ADAM10: variants seen among roughly 807,000 people sequenced by gnomAD.
ADAM10 encodes the protein ADAM metallopeptidase domain 10.
ADAM10 carries 17 observed loss-of-function variants against 90.1 expected under a neutral mutation model. The observed-to-expected ratio is 0.19, with a 90% CI of 0.13 to 0.28. The LOEUF is 0.28. Ranked by LOEUF, ADAM10 falls within the 10% of genes least tolerant of loss-of-function variation. The pLI is 1.00. For synonymous variants in ADAM10, 310 were observed against 298.6 expected (o/e 1.04, Z -0.40); for missense variants, 610 against 914.3 (o/e 0.67, Z 4.29).
intron 10 of ADAM10, among the ~76,000 whole-genome samples, chr15:58,625,422 G>C (rs1322654586): frequency 6.6e-6 from 1 of 152,114 alleles, no homozygotes; most frequent in Non-Finnish European, 1.5e-5. Flanking sequence ...AGCATCATTA[G>C]CCACCAGAGA....
chr15:58,665,696 C>T (rs1310312492), intron 4 of ADAM10, among the ~76,000 whole-genome samples: 5 of 152,042 alleles, frequency 3.3e-5, no homozygotes, highest in African/African-American at 9.7e-5. Context: ...TCCCTTAGGA[C>T]CATTAAGACT....
At chr15:58,683,688 C>T (rs566422868) in intron 2 of ADAM10, among the ~76,000 whole-genome samples, 40 of 151,794 alleles carry the variant, frequency 2.6e-4, no homozygotes, top group African/African-American at 8.7e-4. Flanking sequence ...ACAGCAAAAC[C>T]GTCTCTACTA....
chr15:58,711,887 C>T (rs865871277), intron 2 of ADAM10, among the ~76,000 whole-genome samples: 1 of 151,822 alleles, frequency 6.6e-6, no homozygotes, highest in South Asian at 2.1e-4. Context: ...CACTTTGAAA[C>T]GGTGTTTCAG....
Position 58,633,186 on chromosome 15 carries a change from C to A in ADAM10, c.1176+10G>T. ...AGTATTTTTTAAGCTAATAATTAGA[C>A]AATACTTACTGGGGATCCAAAGTTA... On this transcript the variant is annotated intron_variant, in intron 9 of 15. Transcript: ENST00000260408. 1 of 1,604,172 alleles carries A rather than the reference C, an allele frequency of 6.2e-7. No individual in the cohort carries two copies. Among genetic ancestry groups the A allele is most frequent in the Non-Finnish European group, 8.5e-7 (1 of 1,171,296 alleles).
At chr15:58,629,537 T>C (rs1896041952) in intron 9 of ADAM10, 1 of 152,104 alleles carries the variant, frequency 6.6e-6, no homozygotes, top group Non-Finnish European at 1.5e-5. Context: ...GCACAAGTAT[T>C]CAGAGTTCAA....
intron 1 of ADAM10, among the ~76,000 whole-genome samples, chr15:58,719,503 A>G (rs542789310): frequency 6.9e-6 from 1 of 145,510 alleles, no homozygotes; most frequent in Non-Finnish European, 1.5e-5. Flanking sequence ...CAAGTTGTCT[A>G]AAAATGGTTC....
At chr15:58,640,744 G>C in intron 8 of ADAM10, 33 bp downstream of exon 8, 1 of 1,599,198 alleles carries the variant, frequency 6.3e-7, no homozygotes, top group East Asian at 2.2e-5. Flanking sequence ...GTTTCAAGTA[G>C]TAAGTTAAGA....
chr15:58,729,760 T>C (rs1595663270), intron 1 of ADAM10, among the ~76,000 whole-genome samples: 1 of 152,210 alleles, frequency 6.6e-6, no homozygotes, highest in East Asian at 1.9e-4. Flanking sequence ...GGTCAGGAGT[T>C]TGAGACAGCC....
At chr15:58,649,293 C>T (rs976337648) in intron 5 of ADAM10, among the ~76,000 whole-genome samples, 9 of 152,158 alleles carry the variant, frequency 5.9e-5, no homozygotes, top group African/African-American at 2.2e-4. Flanking sequence ...CCTCAGAACA[C>T]TTAAATTACA....
In ADAM10 at chr15:58,679,146, G is replaced by C; in HGVS notation, c.462C>G (p.Val154=). 1 of 1,613,834 alleles carries C rather than the reference G, an allele frequency of 6.2e-7. No individual in the cohort carries two copies. The highest frequency in any genetic ancestry group is 8.5e-7 in the Non-Finnish European group (1 of 1,179,900). ...TACTAATATCATCTTCATGATAAAT[G>C]ACAGAGTGAAATGGCAGAGTTCGGT... is the stretch of plus-strand genomic sequence containing the variant. ...IKDRTLPFHS[V]IYHEDDINYP... is the part of the protein sequence containing the mutation. Residue 154 remains valine (V), a synonymous_variant, in exon 4 of 16, where the codon GTC becomes GTG. Coordinates refer to ENST00000260408, the MANE Select transcript of ADAM10 (RefSeq NM_001110.4).
chr15:58,671,208 T>C (rs1180561142), intron 4 of ADAM10, among the ~76,000 whole-genome samples: 9 of 152,226 alleles, frequency 5.9e-5, no homozygotes, highest in Admixed American at 5.9e-4. Context: ...AAGAAGTCTC[T>C]AGAAGCTAAA....
chr15:58,643,711 C>CTGTG (rs1313197779), intron 7 of ADAM10, among the ~76,000 whole-genome samples, 175 bp downstream of exon 7: 7 of 151,914 alleles, frequency 4.6e-5, no homozygotes, highest in Non-Finnish European at 7.4e-5. Context: ...ACCCAAGTAT[C>CTGTG]TGTGTGTGTG....
At chr15:58,611,432 T>C (rs369646665) in intron 12 of ADAM10, 8 of 328,350 alleles carry the variant, frequency 2.4e-5, no homozygotes, top group African/African-American at 1.5e-4. Context: ...AAATTAAATT[T>C]TTTTCCTGTA....
intron 11 of ADAM10, among the ~76,000 whole-genome samples, chr15:58,614,641 A>G (rs971164032): frequency 2.0e-5 from 3 of 152,210 alleles, no homozygotes; most frequent in Admixed American, 6.5e-5. Context: ...ATACCCAGCA[A>G]AACTAACCTT....
chr15:58,687,094 A>C (rs1392960582), intron 2 of ADAM10, among the ~76,000 whole-genome samples: 1 of 152,256 alleles, frequency 6.6e-6, no homozygotes, highest in African/African-American at 2.4e-5. Context: ...ACAATTCCTA[A>C]ATGAAGACCA....
At chr15:58,703,527 A>T (rs1216390722) in intron 2 of ADAM10, among the ~76,000 whole-genome samples, 3 of 152,202 alleles carry the variant, frequency 2.0e-5, no homozygotes, top group African/African-American at 7.2e-5. Flanking sequence ...AAAAGCAACC[A>T]AACTCTGATT....
At chr15:58,736,347 G>A (rs1651137162) in intron 1 of ADAM10, among the ~76,000 whole-genome samples, 1 of 152,074 alleles carries the variant, frequency 6.6e-6, no homozygotes, top group Non-Finnish European at 1.5e-5. Flanking sequence ...AGTTTTAGTT[G>A]CCAAAAAGCT....
chr15:58,659,259 C>T (rs144016850), intron 5 of ADAM10, among the ~76,000 whole-genome samples: 8 of 151,030 alleles, frequency 5.3e-5, no homozygotes, highest in East Asian at 3.9e-4. Flanking sequence ...GGAGACAGAG[C>T]GAGAATCCGT....
At chr15:58,631,565 G>C (rs117530868) in intron 9 of ADAM10, among the ~76,000 whole-genome samples, 1 of 152,074 alleles carries the variant, frequency 6.6e-6, no homozygotes, top group African/African-American at 2.4e-5. Flanking sequence ...CAGAAACTCA[G>C]GCCCCATCAA....
Sources: gnomAD v4.1 joint callset for allele counts (sites outside exome capture counted in the v4.1 genomes callset) on GRCh38, gnomAD v4.1.1 for gene constraint, MANE v1.5 for transcripts, NCBI Gene and HGNC (gene_info 2026-07-23, HGNC 2026-07-21) for gene names.